The following CYP2C18 variants were observed in gnomAD, a reference collection of about 807,000 sequenced individuals.
CYP2C18 encodes cytochrome P450 2C18.
Under a neutral mutation model 41.3 loss-of-function variants are expected in CYP2C18, and 38 were observed. That is an observed-to-expected ratio of 0.92 (90% CI 0.71 to 1.21). CYP2C18 has a LOEUF of 1.21. CYP2C18 is among the 50% of genes most tolerant of loss of function. The pLI, the probability that CYP2C18 is intolerant of heterozygous loss-of-function variation, is 0.00. For missense variants in CYP2C18, 635 were observed against 591.4 expected (o/e 1.07, Z -0.77); for synonymous variants, 236 against 210.0 (o/e 1.12, Z -1.07).
intron 4 of CYP2C18, among the ~76,000 whole-genome samples, chr10:94,698,103 A>C (rs1847157044): frequency 6.6e-6 from 1 of 152,172 alleles, no homozygotes; most frequent in Non-Finnish European, 1.5e-5. Flanking sequence ...ATATCCAGGA[A>C]CTGAACTCAG....
In CYP2C18 at chr10:94,706,817, C is replaced by A; in HGVS notation, c.676C>A (p.Leu226Ile). ...TAATTTCCCTGCTCTCATCGATTAT[C>A]TCCCAGGAAGTCATAATAAAATAGC... is the stretch of plus-strand genomic sequence containing the variant. ...CNNFPALIDY[L>I]PGSHNKIAEN... Residue 226 changes from leucine (L) to isoleucine (I), a missense_variant, in exon 5 of 9, where the codon CTC becomes ATC. Transcript: ENST00000285979. The A allele has an allele frequency of 3.1e-6, 5 of 1,600,086 alleles. 1 individual carries two copies. In the Middle Eastern group the frequency reaches 5.0e-4, roughly 160 times the overall value.
chr10:94,724,275 G>A (rs1348980974), intron 6 of CYP2C18, 71 bp from the exon 7 acceptor site: 1 of 1,502,090 alleles, frequency 6.7e-7, no homozygotes, highest in Non-Finnish European at 9.3e-7. Context: ...TATGCTTCTT[G>A]TAACCTGAAT....
At chr10:94,687,978 G>A (rs528715501) in intron 2 of CYP2C18, 46 bp downstream of exon 2, 3 of 1,601,864 alleles carry the variant, frequency 1.9e-6, no homozygotes, top group East Asian at 2.2e-5. Context: ...GTATGTACTG[G>A]GCAGTGGCTA....
chr10:94,721,716 A>C (rs1167873502), intron 6 of CYP2C18, among the ~76,000 whole-genome samples: 1 of 151,788 alleles, frequency 6.6e-6, no homozygotes, highest in Non-Finnish European at 1.5e-5. Context: ...GTGGTTTTTG[A>C]CTTTCTATTT....
intron 4 of CYP2C18, among the ~76,000 whole-genome samples, chr10:94,701,665 T>G (rs916664483): frequency 6.6e-6 from 1 of 152,136 alleles, no homozygotes; most frequent in African/African-American, 2.4e-5. Flanking sequence ...TACCACACAG[T>G]CTCAGAGTGT....
rs749739080 is a variant in CYP2C18 at position 94,687,896 on chromosome 10, A to G, written c.295A>G (p.Ser99Gly). The change falls in exon 2 of 9, where the codon AGT (serine) becomes GGT (glycine). Residue 99 changes from serine to glycine, a missense_variant. Transcript: ENST00000285979. The part of the protein sequence containing the change: ...DHGEEFSGRG[S>G]FPVAEKVNKG... ...TGGAGAGGAGTTTTCTGGAAGAGGAAGTTTTCCAGTGGCTGAAAAAGTTAA... is the reference window on the plus strand; with the variant it reads ...TGGAGAGGAGTTTTCTGGAAGAGGAGGTTTTCCAGTGGCTGAAAAAGTTAA... 1 of 1,613,804 alleles carries G rather than the reference A, an allele frequency of 6.2e-7. No homozygotes were observed. The highest frequency in any genetic ancestry group is 1.3e-5 in the African/African-American group (1 of 75,004).
intron 4 of CYP2C18, among the ~76,000 whole-genome samples, chr10:94,699,699 A>T (rs1047124711): frequency 2.0e-5 from 3 of 152,238 alleles, no homozygotes; most frequent in Non-Finnish European, 1.5e-5. Flanking sequence ...CCCTGTTTGC[A>T]GATGACATGA....
chr10:94,716,666 G>T (rs1024933009), intron 5 of CYP2C18, among the ~76,000 whole-genome samples: 4 of 152,148 alleles, frequency 2.6e-5, no homozygotes, highest in Admixed American at 1.3e-4. Context: ...TGTTGATTTG[G>T]GGTGGAGAGT....
chr10:94,695,978 G>A (rs1847110146), intron 4 of CYP2C18, among the ~76,000 whole-genome samples: 1 of 152,182 alleles, frequency 6.6e-6, no homozygotes. Flanking sequence ...TAAACAAAGT[G>A]GCCGGGAAGC....
At chr10:94,723,570 TGTG>T (rs1847683242) in intron 6 of CYP2C18, among the ~76,000 whole-genome samples, 1 of 152,206 alleles carries the variant, frequency 6.6e-6, no homozygotes, top group African/African-American at 2.4e-5. Context: ...CTGTCCCACT[TGTG>T]GTCAATGTTT....
At chr10:94,713,144 AAT>A (rs1847469511) in intron 5 of CYP2C18, among the ~76,000 whole-genome samples, 1 of 152,000 alleles carries the variant, frequency 6.6e-6, no homozygotes, top group Non-Finnish European at 1.5e-5. Context: ...ATAGAAATTT[AAT>A]ATGTTTTTCT....
chr10:94,684,373 C>G (rs1408896636), intron 1 of CYP2C18, among the ~76,000 whole-genome samples: 1 of 152,168 alleles, frequency 6.6e-6, no homozygotes, highest in Non-Finnish European at 1.5e-5. Context: ...CTGCCAGCCT[C>G]TGGTAGCCAC....
chr10:94,728,698 C>A, intron 7 of CYP2C18: 1 of 616,314 alleles, frequency 1.6e-6, no homozygotes, highest in Non-Finnish European at 2.0e-6. Flanking sequence ...ATCAGACCTC[C>A]ATTTTAAAAA....
intron 5 of CYP2C18, among the ~76,000 whole-genome samples, chr10:94,716,169 T>C (rs1195180642): frequency 2.0e-5 from 3 of 152,156 alleles, no homozygotes; most frequent in African/African-American, 4.8e-5. Context: ...AGGGTTTTTG[T>C]GTCTCTATCT....
chr10:94,684,128 G>A (rs1846839503), intron 1 of CYP2C18, 141 bp downstream of exon 1: 2 of 554,926 alleles, frequency 3.6e-6, no homozygotes, highest in Non-Finnish European at 5.9e-6. Flanking sequence ...TACATGTATA[G>A]ATTGTGAATT....
chr10:94,699,464 T>C (rs1222666358), intron 4 of CYP2C18, among the ~76,000 whole-genome samples: 1 of 152,178 alleles, frequency 6.6e-6, no homozygotes, highest in Non-Finnish European at 1.5e-5. Context: ...AAATTAGGTA[T>C]TGATGGGATG....
At chr10:94,709,542 T>C (rs1847398609) in intron 5 of CYP2C18, among the ~76,000 whole-genome samples, 1 of 152,214 alleles carries the variant, frequency 6.6e-6, no homozygotes, top group South Asian at 2.1e-4. Context: ...TTTTCTCCCA[T>C]TTTGTCAAGT....
Position 94,706,946 on chromosome 10 carries a change from A to G in CYP2C18, c.805A>G (p.Ile269Val), listed in dbSNP as rs1308810521. 3 of 1,607,574 alleles carry G rather than the reference A, an allele frequency of 1.9e-6. No homozygotes were observed. Among genetic ancestry groups the G allele is most frequent in the Middle Eastern group, 3.3e-4 (2 of 6,032 alleles). ...SARDFIDCFL[I>V]KMEQEKHNQQ... is the part of the protein sequence containing the mutation. ...TCGGGACTTTATTGATTGTTTCCTG[A>G]TCAAAATGGAACAGGTAAAATGTTA... Residue 269 changes from isoleucine to valine, a missense_variant, in exon 5 of 9, where the codon ATC becomes GTC. By Grantham distance (29) the Ile-to-Val change is conservative. Transcript: ENST00000285979.
chr10:94,727,759 G>T (rs1847768389), intron 7 of CYP2C18, among the ~76,000 whole-genome samples: 1 of 152,108 alleles, frequency 6.6e-6, no homozygotes, highest in Non-Finnish European at 1.5e-5. Flanking sequence ...ATGAATATAT[G>T]TGTGTGTAGG....
Sources: allele counts gnomAD v4.1 joint callset (sites outside exome capture counted in the v4.1 genomes callset), GRCh38; gene constraint gnomAD v4.1.1; transcripts MANE v1.5; gene names NCBI Gene and HGNC (gene_info 2026-07-23, HGNC 2026-07-21).